The following FUT9 variants were observed in gnomAD, a reference collection of about 807,000 sequenced individuals.
FUT9 encodes the protein 4-galactosyl-N-acetylglucosaminide 3-alpha-L-fucosyltransferase 9.
FUT9 carries 15 observed loss-of-function variants against 29.7 expected under a neutral mutation model. The ratio of observed to expected loss-of-function variants is 0.51; its 90% CI spans 0.34 to 0.78. FUT9 has a LOEUF of 0.78. FUT9 is among the 30% of genes least tolerant of loss of function. The pLI is 0.01. For missense variants in FUT9, 319 were observed against 425.4 expected, an observed-to-expected ratio of 0.75 and a Z score of 2.20; for synonymous variants, 169 against 153.7, an observed-to-expected ratio of 1.10 and a Z score of -0.74.
At chr6:96,150,857 G>A (rs1414084160) in intron 2 of FUT9, among the ~76,000 whole-genome samples, 5 of 152,120 alleles carry the variant, frequency 3.3e-5, no homozygotes. Flanking sequence ...CCTAGGACTG[G>A]GGGTAAGGGC....
chr6:96,018,891 A>T (rs1021493689), intron 1 of FUT9, among the ~76,000 whole-genome samples: 11 of 151,900 alleles, frequency 7.2e-5, no homozygotes, highest in Admixed American at 1.3e-4. Context: ...AAGGTAACTA[A>T]ATATGAGTTC....
intron 2 of FUT9, among the ~76,000 whole-genome samples, chr6:96,179,289 T>C (rs1199899404): frequency 6.6e-6 from 1 of 152,166 alleles, no homozygotes; most frequent in African/African-American, 2.4e-5. Context: ...GTCTCCCGTG[T>C]ACCAGAAATT....
intron 1 of FUT9, among the ~76,000 whole-genome samples, chr6:96,071,990 C>T (rs1771071489): frequency 6.6e-6 from 1 of 152,040 alleles, no homozygotes; most frequent in African/African-American, 2.4e-5. Context: ...GTGCAAAATG[C>T]TCTCTATGAA....
chr6:96,051,572 G>A (rs1770670700), intron 1 of FUT9, among the ~76,000 whole-genome samples: 1 of 151,996 alleles, frequency 6.6e-6, no homozygotes, highest in Non-Finnish European at 1.5e-5. Context: ...AGGATTGTTT[G>A]AGCCCAGGAA....
At chr6:96,043,594 A>G (rs1001279057) in intron 1 of FUT9, among the ~76,000 whole-genome samples, 4 of 152,248 alleles carry the variant, frequency 2.6e-5, no homozygotes, top group Non-Finnish European at 5.9e-5. Flanking sequence ...TAAGTGTCTT[A>G]CACATTTAAC....
At chr6:96,070,053 A>G (rs911308577) in intron 1 of FUT9, among the ~76,000 whole-genome samples, 3 of 152,218 alleles carry the variant, frequency 2.0e-5, no homozygotes, top group Non-Finnish European at 4.4e-5. Flanking sequence ...TATTTTACAA[A>G]CAATAGTGAA....
chr6:96,042,782 A>ACAC (rs1003080148), intron 1 of FUT9, among the ~76,000 whole-genome samples: 1 of 152,130 alleles, frequency 6.6e-6, no homozygotes, highest in African/African-American at 2.4e-5. Flanking sequence ...AATTCTCACA[A>ACAC]CACCTCTGTG....
At chr6:96,030,887 C>CT (rs1770249374) in intron 1 of FUT9, among the ~76,000 whole-genome samples, 1 of 151,182 alleles carries the variant, frequency 6.6e-6, no homozygotes, top group Non-Finnish European at 1.5e-5. Flanking sequence ...AAAATAAAAA[C>CT]GTAGGAACAG....
At chr6:96,123,610 G>A (rs1196549398) in intron 2 of FUT9, among the ~76,000 whole-genome samples, 3 of 152,180 alleles carry the variant, frequency 2.0e-5, no homozygotes, top group Non-Finnish European at 4.4e-5. Context: ...ACTTGCAAAT[G>A]CATGTTCACT....
intron 1 of FUT9, among the ~76,000 whole-genome samples, chr6:96,027,328 T>C (rs1470035058): frequency 6.6e-6 from 1 of 151,838 alleles, no homozygotes; most frequent in South Asian, 2.1e-4. Context: ...CATTAGAAAT[T>C]TCAAAGCATC....
intron 2 of FUT9, among the ~76,000 whole-genome samples, chr6:96,128,634 C>G (rs12201773): frequency 0.19 from 28,248 of 151,914 alleles, 2,804 homozygotes; most frequent in Non-Finnish European, 0.21. Context: ...GTAATTTATT[C>G]ATCAAAAACA....
At chr6:96,104,088 AAAG>A (rs2127957903) in intron 1 of FUT9, among the ~76,000 whole-genome samples, 1 of 152,300 alleles carries the variant, frequency 6.6e-6, no homozygotes, top group South Asian at 2.1e-4. Flanking sequence ...CTGCCTTTCT[AAAG>A]AAGTTTATAA....
At chr6:96,191,591 A>T (rs1773509819) in intron 2 of FUT9, among the ~76,000 whole-genome samples, 1 of 152,182 alleles carries the variant, frequency 6.6e-6, no homozygotes, top group Admixed American at 6.5e-5. Flanking sequence ...AATAATTAAT[A>T]GCTTACCAAC....
intron 2 of FUT9, among the ~76,000 whole-genome samples, chr6:96,199,626 C>T (rs2127990680): frequency 6.6e-6 from 1 of 152,114 alleles, no homozygotes; most frequent in East Asian, 1.9e-4. Flanking sequence ...AACAGAGAGG[C>T]AAAACTGGGA....
intron 1 of FUT9, among the ~76,000 whole-genome samples, chr6:96,044,425 T>A (rs1252248662): frequency 3.9e-5 from 6 of 152,202 alleles, no homozygotes; most frequent in Non-Finnish European, 7.4e-5. Flanking sequence ...CCATATCCTT[T>A]GAAAAGCTCT....
chr6:96,036,044 T>C (rs1350056743), intron 1 of FUT9, among the ~76,000 whole-genome samples: 1 of 132,772 alleles, frequency 7.5e-6, no homozygotes, highest in Admixed American at 8.3e-5. Context: ...TAATACATTA[T>C]GTTTATTATA....
At chr6:96,156,625 T>A (rs760007287) in intron 2 of FUT9, among the ~76,000 whole-genome samples, 1 of 152,174 alleles carries the variant, frequency 6.6e-6, no homozygotes, top group African/African-American at 2.4e-5. Context: ...CGGGCATGTT[T>A]AGGCAAGCCT....
intron 1 of FUT9, among the ~76,000 whole-genome samples, chr6:96,043,143 C>A (rs1168867159): frequency 6.6e-6 from 1 of 152,158 alleles, no homozygotes. Context: ...GCTCCGCCTC[C>A]CGGGTTCATG....
intron 1 of FUT9, among the ~76,000 whole-genome samples, chr6:96,052,362 T>C (rs1770685997): frequency 6.6e-6 from 1 of 152,140 alleles, no homozygotes; most frequent in African/African-American, 2.4e-5. Context: ...AGAACTGAAA[T>C]GTCTGGCCAA....
Sources: allele counts gnomAD v4.1 joint callset (sites outside exome capture counted in the v4.1 genomes callset), GRCh38; gene constraint gnomAD v4.1.1; transcripts MANE v1.5; gene names NCBI Gene and HGNC (gene_info 2026-07-23, HGNC 2026-07-21).